The following TOX2 variants were observed in gnomAD, a reference collection of about 807,000 sequenced individuals.
The protein encoded by TOX2 is TOX high mobility group box family member 2.
Under a neutral mutation model 47.4 loss-of-function variants are expected in TOX2, and 15 were observed. The ratio of observed to expected loss-of-function variants is 0.32; its 90% CI spans 0.21 to 0.49. TOX2 has a LOEUF of 0.49. Among genes scored for constraint, TOX2 ranks in the 20% least tolerant of loss-of-function variants. TOX2 has a pLI of 0.99. For synonymous variants in TOX2, 290 were observed against 296.6 expected (o/e 0.98, Z 0.23); for missense variants, 622 against 673.1 (o/e 0.92, Z 0.84).
intron 1 of TOX2, among the ~76,000 whole-genome samples, chr20:43,962,271 C>T (rs1050770052): frequency 6.6e-6 from 1 of 152,240 alleles, no homozygotes; most frequent in Non-Finnish European, 1.5e-5. Flanking sequence ...TCAGGCCCGG[C>T]CCTCTGGGCA....
chr20:43,918,495 G>A (rs1479142039), intron 1 of TOX2, among the ~76,000 whole-genome samples: 1 of 152,054 alleles, frequency 6.6e-6, no homozygotes, highest in Non-Finnish European at 1.5e-5. Flanking sequence ...ACCTCCAGAG[G>A]CAACTACTTA....
chr20:44,068,937 CTG>C lies in TOX2; in HGVS notation c.*254_*255del. The stretch of plus-strand genomic sequence containing the variant: ...CGCTGACCTGCTTGCTCCAGGGTAA[CTG>C]TGGACCCTGTCCTCGCCCTGCGCAC... On this transcript the variant is annotated 3_prime_UTR_variant, in exon 9 of 9. Transcript: ENST00000341197. The C allele has an allele frequency of 1.5e-6, 1 of 654,966 alleles. No individual in the cohort carries two copies. The highest frequency in any genetic ancestry group is 2.9e-6 in the Non-Finnish European group (1 of 350,010). 40.6% of individuals were successfully genotyped at this position (654,966 alleles called of 1,614,324 possible).
In TOX2 at chr20:43,946,146, G is replaced by A. The variant is rs926117677; in HGVS notation, c.100-27221G>A. 496 of 1,475,396 alleles carry A rather than the reference G, an allele frequency of 3.4e-4. 1 individual carries two copies. Among genetic ancestry groups the A allele is most frequent in the Non-Finnish European group, 4.1e-4 (448 of 1,096,508 alleles). The allele number at this position is 1,475,396 out of a possible 1,614,324, so 91.4% of individuals were successfully genotyped here. On this transcript the variant is annotated intron_variant, in intron 1 of 8. Transcript: ENST00000341197. ...GGGGCAGGCAGGGACCTGGACTGGT[G>A]CTTGTCACATTCTGGAATGAAGATG...
intron 2 of TOX2, among the ~76,000 whole-genome samples, chr20:43,994,299 T>C (rs78485605): frequency 0.39 from 58,770 of 151,054 alleles, 11,666 homozygotes; most frequent in South Asian, 0.49. Flanking sequence ...AACCCATCTC[T>C]ACAAAAAAAA....
At position 44,024,207 on chromosome 20, in the gene TOX2, C is replaced by A. The variant is rs546095956; in HGVS notation, c.411+17415C>A. 2.6e-5 allele frequency among the ~76,000 whole-genome samples: 4 copies of A among 152,246 alleles called. No individual in the cohort carries two copies. In the South Asian group the frequency reaches 8.3e-4, roughly 32 times the overall value. On this transcript the variant is annotated intron_variant, in intron 3 of 8. Transcript: ENST00000341197. ...AGTATTACCTTATCTCTTTTATGGT[C>A]TTCGTATCTATAATTACACCCTGAT...
rs1453377782 is a variant in TOX2, at chr20:43,976,780, G to GTGCA, written c.165+3348_165+3349insTGCA. 1.1e-4 allele frequency among the ~76,000 whole-genome samples: 14 copies of GTGCA among 125,522 alleles called. No homozygotes were observed. The South Asian group carries it at 1.5e-3, about 14-fold the overall frequency. 82.3% of individuals were successfully genotyped at this position (125,522 alleles called of 152,430 possible). ...TCTTGAACTCACAACGCGAGCGCGCGCGCACACACACACACACACACACAT... is the reference window on the plus strand; with the variant it reads ...TCTTGAACTCACAACGCGAGCGCGCGTGCACGCACACACACACACACACACACAT... On this transcript the variant is annotated intron_variant, in intron 2 of 8. Coordinates refer to ENST00000341197, the MANE Select transcript of TOX2 (RefSeq NM_001098797.2).
intron 3 of TOX2, among the ~76,000 whole-genome samples, chr20:44,023,933 C>T (rs1332761670): frequency 6.6e-6 from 1 of 152,250 alleles, no homozygotes; most frequent in Non-Finnish European, 1.5e-5. Flanking sequence ...ACCCCCTTCC[C>T]TCCTTCCTCA....
At position 44,006,582 on chromosome 20, in the gene TOX2, T is replaced by A. The variant is rs1249508315; in HGVS notation, c.201T>A (p.Tyr67Ter). The change falls in exon 3 of 9, where the codon TAT becomes TAA. Residue 67 changes from tyrosine (Y) to a stop codon, truncating the protein, a stop_gained. Coordinates refer to ENST00000341197, the MANE Select transcript of TOX2 (RefSeq NM_001098797.2). LOFTEE classifies it high-confidence loss of function. Reference protein sequence around the residue: ...YNGQSENNEDYEIPPITPPNL... With the variant: ...YNGQSENNED ...GCCAGAGCGAGAACAACGAAGACTA[T>A]GAGATCCCCCCGATAACACCTCCCA... The A allele has an allele frequency of 6.2e-7, 1 of 1,613,968 alleles. No homozygotes were observed. The highest frequency in any genetic ancestry group is 8.5e-7 in the Non-Finnish European group (1 of 1,180,006).
intron 2 of TOX2, among the ~76,000 whole-genome samples, chr20:43,993,896 T>C (rs530368800): frequency 3.2e-4 from 48 of 152,296 alleles, no homozygotes; most frequent in African/African-American, 1.1e-3. Context: ...CTCACGCGTG[T>C]AATCCCAGCA....
intron 2 of TOX2, among the ~76,000 whole-genome samples, chr20:43,992,749 A>G (rs1172450161): frequency 6.6e-6 from 1 of 151,826 alleles, no homozygotes; most frequent in Non-Finnish European, 1.5e-5. Flanking sequence ...TGGGAGTAAT[A>G]TTTGTAGCAT....
chr20:43,938,662 G>A (rs1276148352), intron 1 of TOX2, among the ~76,000 whole-genome samples: 2 of 152,190 alleles, frequency 1.3e-5, no homozygotes, highest in African/African-American at 4.8e-5. Flanking sequence ...CTTTACCCGG[G>A]ATTCACAGCT....
chr20:44,065,874 C>T lies in TOX2; in HGVS notation c.1123C>T (p.Arg375Trp), dbSNP rs770444785. ...TGGGGCCTCCCCTGCCAGCCTCGCC[C>T]GGACGCTGGGCTCCAAGTCTCTGCT... is the stretch of plus-strand genomic sequence containing the variant. ...RSGASPASLA[R>W]TLGSKSLLPG... The change falls in exon 7 of 9, where the codon CGG (arginine) becomes TGG (tryptophan). Residue 375 changes from arginine to tryptophan, a missense_variant. Arg to Trp is a moderately radical substitution (Grantham distance 101). Coordinates refer to ENST00000341197, the MANE Select transcript of TOX2 (RefSeq NM_001098797.2). 2.8e-5 allele frequency: 45 copies of T among 1,613,136 alleles called. No homozygotes were observed. Among genetic ancestry groups the T allele is most frequent in the East Asian group, 2.2e-5 (1 of 44,868 alleles).
intron 1 of TOX2, among the ~76,000 whole-genome samples, chr20:43,961,088 G>T (rs576834245): frequency 1.3e-5 from 2 of 152,368 alleles, no homozygotes; most frequent in South Asian, 2.1e-4. Flanking sequence ...ATATTATGGC[G>T]CTAGGGTCCA....
intron 2 of TOX2, among the ~76,000 whole-genome samples, chr20:43,997,753 AG>A (rs1473307390): frequency 1.3e-5 from 2 of 152,172 alleles, no homozygotes; most frequent in African/African-American, 4.8e-5. Flanking sequence ...TTTTGATAAA[AG>A]TATAATTTTT....
intron 7 of TOX2, among the ~76,000 whole-genome samples, chr20:44,066,403 C>A (rs1477094614): frequency 6.6e-6 from 1 of 152,212 alleles, no homozygotes; most frequent in Non-Finnish European, 1.5e-5. Context: ...CGAGACCTTA[C>A]CCCCGCTAAT....
At chr20:43,953,171 C>T (rs1057166706) in intron 1 of TOX2, among the ~76,000 whole-genome samples, 1 of 152,162 alleles carries the variant, frequency 6.6e-6, no homozygotes, top group African/African-American at 2.4e-5. Context: ...GCCCTGATGA[C>T]ACCTTGGTTT....
At chr20:44,067,372 G>A (rs2071845221) in intron 8 of TOX2, among the ~76,000 whole-genome samples, 1 of 152,170 alleles carries the variant, frequency 6.6e-6, no homozygotes, top group Non-Finnish European at 1.5e-5. Context: ...GCTCCCACCT[G>A]GAGGTCAGGG....
At position 44,058,207 on chromosome 20, in the gene TOX2, G is replaced by A. The variant is rs571198489; in HGVS notation, c.879+3681G>A. ...GCGTGCTTTCTCAGCTGGGAGGCCT[G>A]TAGCCTGGGGCAAGTTCTCAGCCCT... On this transcript the variant is annotated intron_variant, in intron 5 of 8. Coordinates refer to ENST00000341197, the MANE Select transcript of TOX2 (RefSeq NM_001098797.2). 2.5e-4 allele frequency among the ~76,000 whole-genome samples: 37 copies of A among 149,816 alleles called. 1 individual carries two copies. The East Asian group carries it at 7.0e-3, about 28-fold the overall frequency.
At chr20:43,928,802 A>G (rs899272973) in intron 1 of TOX2, among the ~76,000 whole-genome samples, 2 of 152,058 alleles carry the variant, frequency 1.3e-5, no homozygotes, top group African/African-American at 4.8e-5. Context: ...CAATGTCTTT[A>G]TGATGCGTAA....
Sources: allele counts gnomAD v4.1 joint callset (sites outside exome capture counted in the v4.1 genomes callset), GRCh38; gene constraint gnomAD v4.1.1; transcripts MANE v1.5; gene names NCBI Gene and HGNC (gene_info 2026-07-23, HGNC 2026-07-21).